SGSM1: variants seen among roughly 807,000 people sequenced by gnomAD.
The protein encoded by SGSM1 is RUN and TBC1 domain containing 2.
Under a neutral mutation model 133.8 loss-of-function variants are expected in SGSM1, and 73 were observed. That is an observed-to-expected ratio of 0.55 (90% CI 0.45 to 0.66). The LOEUF (loss-of-function observed/expected upper bound fraction) is 0.66. SGSM1 is among the 30% of genes least tolerant of loss of function. The probability of loss-of-function intolerance (pLI) is 0.00; values close to 1 mark genes in which losing one functional copy is unlikely to be tolerated. For missense variants in SGSM1, 1,213 were observed against 1,448.1 expected (o/e 0.84, Z 2.64); for synonymous variants, 563 against 573.0 (o/e 0.98, Z 0.25).
At chr22:24,818,462 G>A (rs1928251902) in intron 2 of SGSM1, among the ~76,000 whole-genome samples, 1 of 151,032 alleles carries the variant, frequency 6.6e-6, no homozygotes, top group African/African-American at 2.4e-5. Flanking sequence ...CTGCCTCCCA[G>A]GTTCAAGCGA....
chr22:24,870,102 C>A (rs1179218774), intron 12 of SGSM1, among the ~76,000 whole-genome samples: 1 of 152,242 alleles, frequency 6.6e-6, no homozygotes, highest in Non-Finnish European at 1.5e-5. Context: ...GAGCAGATGT[C>A]CTCCTGGACA....
intron 2 of SGSM1, among the ~76,000 whole-genome samples, chr22:24,807,373 C>T (rs1307273341): frequency 6.6e-6 from 1 of 152,016 alleles, no homozygotes; most frequent in Non-Finnish European, 1.5e-5. Context: ...TGTGTGTACA[C>T]GTATCTATGT....
chr22:24,892,018 G>T (rs1932822877), intron 16 of SGSM1, among the ~76,000 whole-genome samples: 1 of 152,094 alleles, frequency 6.6e-6, no homozygotes, highest in African/African-American at 2.4e-5. Context: ...GGGGAGGCTG[G>T]AGAGGAAACA....
intron 2 of SGSM1, among the ~76,000 whole-genome samples, chr22:24,835,257 T>G (rs1929360993): frequency 6.6e-6 from 1 of 152,194 alleles, no homozygotes; most frequent in Admixed American, 6.5e-5. Flanking sequence ...CAAATGCTAC[T>G]GATTGTTGAG....
chr22:24,823,461 C>T (rs768567948), intron 2 of SGSM1, among the ~76,000 whole-genome samples: 7 of 151,952 alleles, frequency 4.6e-5, no homozygotes, highest in South Asian at 2.1e-4. Context: ...ATTAGCTGGG[C>T]GTGTTGGCAG....
intron 18 of SGSM1, among the ~76,000 whole-genome samples, chr22:24,895,637 A>G (rs1189532555): frequency 6.6e-6 from 1 of 152,202 alleles, no homozygotes; most frequent in Non-Finnish European, 1.5e-5. Context: ...TATAATCTAT[A>G]GCAATGTTTG....
chr22:24,901,661 T>C (rs1016543159), intron 19 of SGSM1, among the ~76,000 whole-genome samples, 172 bp from the exon 20 acceptor site: 1 of 151,980 alleles, frequency 6.6e-6, no homozygotes, highest in East Asian at 1.9e-4. Flanking sequence ...AAACACACCC[T>C]CCCAGAAAAC....
chr22:24,903,769 C>T (rs1440238204), intron 20 of SGSM1, among the ~76,000 whole-genome samples: 1 of 151,922 alleles, frequency 6.6e-6, no homozygotes, highest in Non-Finnish European at 1.5e-5. Context: ...GTCAGGAGTT[C>T]GAGACCAGCC....
At chr22:24,830,531 G>A (rs1055051682) in intron 2 of SGSM1, among the ~76,000 whole-genome samples, 2 of 152,170 alleles carry the variant, frequency 1.3e-5, no homozygotes, top group African/African-American at 4.8e-5. Context: ...AACCCAGTAC[G>A]TTAAGGCAAA....
intron 16 of SGSM1, among the ~76,000 whole-genome samples, chr22:24,888,284 G>A (rs1932723488): frequency 6.6e-6 from 1 of 152,260 alleles, no homozygotes; most frequent in Non-Finnish European, 1.5e-5. Flanking sequence ...AGGTCCTGAA[G>A]ATCTTCTCCT....
chr22:24,922,448 G>A (rs1934045870), intron 24 of SGSM1, among the ~76,000 whole-genome samples: 1 of 148,916 alleles, frequency 6.7e-6, no homozygotes, highest in African/African-American at 2.5e-5. Context: ...CCAAAGATCT[G>A]GGATTACAGG....
Position 24,806,231 on chromosome 22 carries a change from C to T in SGSM1, c.-95C>T. On this transcript the variant is annotated 5_prime_UTR_variant, in exon 1 of 25. Coordinates refer to ENST00000400358, the MANE Select transcript of SGSM1 (RefSeq NM_001098497.3). ...CCGTCACTCAGCGCTCGGCCCCGCC[C>T]CGCCGCGGCTGCAGCAGCAGCGCCG... The T allele has an allele frequency of 7.7e-7, 1 of 1,295,100 alleles. No individual in the cohort carries two copies. Among genetic ancestry groups the T allele is most frequent in the Non-Finnish European group, 9.7e-7 (1 of 1,027,208 alleles). The allele number at this position is 1,295,100 out of a possible 1,614,324, so 80.2% of individuals were successfully genotyped here.
chr22:24,912,874 A>C (rs1032484312), intron 22 of SGSM1, 122 bp downstream of exon 22: 3 of 649,754 alleles, frequency 4.6e-6, no homozygotes, highest in Non-Finnish European at 8.2e-6. Flanking sequence ...TATTTCTGCC[A>C]TACAAACTCA....
At chr22:24,895,371 T>C (rs1405732938) in intron 18 of SGSM1, 80 bp downstream of exon 18, 1 of 1,377,932 alleles carries the variant, frequency 7.3e-7, no homozygotes, top group East Asian at 2.5e-5. Context: ...GTGTCCGTCA[T>C]CTGTAGGTCA....
At chr22:24,847,234 AAAAC>A (rs1930199318) in intron 3 of SGSM1, among the ~76,000 whole-genome samples, 1 of 152,194 alleles carries the variant, frequency 6.6e-6, no homozygotes, top group Non-Finnish European at 1.5e-5. Flanking sequence ...AAACAAAACA[AAAAC>A]AAACAAAAAA....
rs553340709 is a variant in SGSM1 at position 24,861,499 on chromosome 22, C to T, written c.926+1659C>T. On this transcript the variant is annotated intron_variant, in intron 9 of 24. Coordinates refer to ENST00000400358, the MANE Select transcript of SGSM1 (RefSeq NM_001098497.3). ...TCCAACTAGACCCTGTAGTCTCTCTCTCTCTCTTTTTAAACATTTTAATTT... is the reference window on the plus strand; with the variant it reads ...TCCAACTAGACCCTGTAGTCTCTCTTTCTCTCTTTTTAAACATTTTAATTT... 1.6e-3 allele frequency among the ~76,000 whole-genome samples: 243 copies of T among 152,094 alleles called. 2 individuals carry two copies. Among genetic ancestry groups the T allele is most frequent in the African/African-American group, 5.5e-3 (227 of 41,526 alleles).
intron 2 of SGSM1, among the ~76,000 whole-genome samples, chr22:24,833,528 A>G (rs1033451568): frequency 3.3e-5 from 5 of 151,878 alleles, no homozygotes; most frequent in African/African-American, 1.2e-4. Flanking sequence ...CGTGGTGGCC[A>G]GTGCCTGTAG....
chr22:24,899,524 T>C (rs977690973), intron 19 of SGSM1, among the ~76,000 whole-genome samples: 7 of 148,992 alleles, frequency 4.7e-5, no homozygotes, highest in African/African-American at 7.6e-5. Context: ...TTTTCTTTTT[T>C]TTTTTTTTTT....
chr22:24,880,483 G>C (rs1203488849), intron 14 of SGSM1, among the ~76,000 whole-genome samples: 1 of 152,142 alleles, frequency 6.6e-6, no homozygotes, highest in Non-Finnish European at 1.5e-5. Context: ...CAGCCTAGAT[G>C]GGGAAGATAA....
Sources: allele counts gnomAD v4.1 joint callset (sites outside exome capture counted in the v4.1 genomes callset), GRCh38; gene constraint gnomAD v4.1.1; transcripts MANE v1.5; gene names NCBI Gene and HGNC (gene_info 2026-07-23, HGNC 2026-07-21).